Variants in MYO18B observed in about 807,000 individuals in gnomAD.
MYO18B encodes myosin XVIIIB, also known as unconventional myosin-XVIIIb.
A neutral mutation model predicts 273.0 loss-of-function variants in MYO18B; 204 were observed. The observed-to-expected ratio is 0.75, with a 90% CI of 0.67 to 0.84. The LOEUF (loss-of-function observed/expected upper bound fraction) is 0.84, where lower values mean the gene tolerates loss of function less well. MYO18B is among the 40% of genes least tolerant of loss of function. The pLI, the probability that MYO18B is intolerant of heterozygous loss-of-function variation, is 0.00. For missense variants in MYO18B, 3,212 were observed against 3,287.6 expected (o/e 0.98, Z 0.56); for synonymous variants, 1,330 against 1,305.7 (o/e 1.02, Z -0.40).
At chr22:25,881,103 C>T (rs577381008) in intron 25 of MYO18B, among the ~76,000 whole-genome samples, 1 of 152,320 alleles carries the variant, frequency 6.6e-6, no homozygotes, top group East Asian at 1.9e-4. Flanking sequence ...CTCTTCTTCC[C>T]ATGTTGATAA....
intron 33 of MYO18B, among the ~76,000 whole-genome samples, chr22:25,920,704 A>G (rs895347485): frequency 7.9e-5 from 12 of 152,272 alleles, no homozygotes; most frequent in Non-Finnish European, 1.6e-4. Context: ...ACAAATACAG[A>G]GTACTCCGTA....
At chr22:25,774,622 CCCACA>C (rs1338590181) in intron 7 of MYO18B, among the ~76,000 whole-genome samples, 1 of 152,238 alleles carries the variant, frequency 6.6e-6, no homozygotes, top group Admixed American at 6.5e-5. Flanking sequence ...CTTCCAGCCT[CCCACA>C]CTCAAACCCA....
chr22:25,817,891 C>G (rs1240632968), intron 12 of MYO18B, among the ~76,000 whole-genome samples: 1 of 152,216 alleles, frequency 6.6e-6, no homozygotes, highest in East Asian at 1.9e-4. Context: ...TTGGGGAACT[C>G]TGATCCCCAC....
At chr22:25,953,863 G>A (rs2092819157) in intron 38 of MYO18B, among the ~76,000 whole-genome samples, 2 of 152,184 alleles carry the variant, frequency 1.3e-5, no homozygotes, top group South Asian at 2.1e-4. Context: ...TCTTTGAGGT[G>A]TAGAGATGGG....
chr22:25,826,275 A>G, intron 13 of MYO18B, 134 bp from the exon 14 acceptor site: 1 of 618,256 alleles, frequency 1.6e-6, no homozygotes, highest in Non-Finnish European at 2.8e-6. Context: ...CTGGGGAAAT[A>G]ATTTTAGCAG....
At chr22:25,963,864 C>CT (rs1019852378) in intron 39 of MYO18B, 7 of 152,024 alleles carry the variant, frequency 4.6e-5, no homozygotes, top group African/African-American at 1.7e-4. Context: ...ACTTTATTTT[C>CT]TTTCTTCCTT....
At chr22:26,001,570 C>T (rs904142146) in intron 40 of MYO18B, among the ~76,000 whole-genome samples, 3 of 152,300 alleles carry the variant, frequency 2.0e-5, no homozygotes, top group Admixed American at 6.5e-5. Flanking sequence ...CCCTGTCTTC[C>T]CTCCTTCCTG....
At chr22:25,817,346 TTTC>T (rs2089071388) in intron 12 of MYO18B, among the ~76,000 whole-genome samples, 1 of 150,904 alleles carries the variant, frequency 6.6e-6, no homozygotes, top group Non-Finnish European at 1.5e-5. Flanking sequence ...CTTTTCTCTC[TTTC>T]TTTCTTTCTC....
chr22:26,058,816 C>A, the MYO18B span, among the ~76,000 whole-genome samples: 3 of 152,190 alleles, frequency 2.0e-5, no homozygotes, highest in Non-Finnish European at 2.9e-5. Context: ...GATACTGTTT[C>A]TTGTACAGCC....
chr22:25,799,261 A>G (rs968700413), intron 12 of MYO18B, among the ~76,000 whole-genome samples: 2 of 151,720 alleles, frequency 1.3e-5, no homozygotes, highest in Admixed American at 6.6e-5. Context: ...TAGACCCGTA[A>G]TGTCATTCTC....
At chr22:25,774,955 C>T (rs781752659) in intron 7 of MYO18B, among the ~76,000 whole-genome samples, 57 of 152,258 alleles carry the variant, frequency 3.7e-4, no homozygotes, top group Non-Finnish European at 7.1e-4. Flanking sequence ...AAGCACACTT[C>T]TGTGCATGCG....
Position 25,861,448 on chromosome 22 carries a change from T to G in MYO18B, c.3886-6872T>G, listed in dbSNP as rs189093164. The stretch of plus-strand genomic sequence containing the variant: ...TTTTAAACAAAATTTAAAACAAAAT[T>G]TGTCTGATATTAGTATAGCCACTCC... On this transcript the variant is annotated intron_variant, in intron 21 of 43. Coordinates refer to ENST00000335473, the MANE Select transcript of MYO18B (RefSeq NM_032608.7). Among the ~76,000 whole-genome samples, 303 of 152,318 alleles carry G rather than the reference T, an allele frequency of 2.0e-3. 1 individual carries two copies. The highest frequency in any genetic ancestry group is 3.5e-3 in the Non-Finnish European group (240 of 68,026).
At chr22:25,933,559 G>C (rs992677443) in intron 34 of MYO18B, among the ~76,000 whole-genome samples, 3 of 152,136 alleles carry the variant, frequency 2.0e-5, no homozygotes, top group Non-Finnish European at 2.9e-5. Context: ...ATTTATGCAT[G>C]TGAGCTATAT....
chr22:25,832,111 G>A (rs1299845955), intron 15 of MYO18B, among the ~76,000 whole-genome samples: 1 of 152,184 alleles, frequency 6.6e-6, no homozygotes, highest in African/African-American at 2.4e-5. Context: ...AATAACAAGT[G>A]TTGGGGTGAT....
In MYO18B at chr22:26,026,577, G is replaced by A. The variant is rs770310926; in HGVS notation, c.6603G>A (p.Lys2201=). The A allele has an allele frequency of 1.9e-6, 3 of 1,613,926 alleles. No individual in the cohort carries two copies. Among genetic ancestry groups the A allele is most frequent in the South Asian group, 1.1e-5 (1 of 91,070 alleles). Residue 2201 remains lysine, a synonymous_variant, in exon 43 of 44, where the codon AAG becomes AAA. Transcript: ENST00000335473. ...PVSPHFVRRQ[K]YCHFGDGEVL... ...CTCCCCACTTTGTCCGCCGGCAAAA[G>A]TACTGTCATTTTGGGGACGGCGAAG...
intron 38 of MYO18B, 79 bp downstream of exon 38, chr22:25,952,502 C>A: frequency 1.1e-5 from 17 of 1,539,258 alleles, no homozygotes; most frequent in Non-Finnish European, 1.5e-5. Flanking sequence ...CCTTCTACTA[C>A]TCATCTATCT....
At chr22:25,795,062 C>T (rs1430104333) in intron 11 of MYO18B, among the ~76,000 whole-genome samples, 1 of 152,182 alleles carries the variant, frequency 6.6e-6, no homozygotes, top group African/African-American at 2.4e-5. Context: ...CTGTGAGATG[C>T]CTATATGTGG....
At chr22:25,937,214 G>T (rs1158117690) in intron 34 of MYO18B, among the ~76,000 whole-genome samples, 1 of 151,900 alleles carries the variant, frequency 6.6e-6, no homozygotes, top group Non-Finnish European at 1.5e-5. Context: ...CTCCCGAATA[G>T]CTGGGATTAA....
At chr22:26,050,439 T>A in the MYO18B span, among the ~76,000 whole-genome samples, 8 of 152,238 alleles carry the variant, frequency 5.3e-5, no homozygotes, top group Non-Finnish European at 1.0e-4. Flanking sequence ...GTTTCAAGAT[T>A]GCCTTCTGCA....
Sources: allele counts gnomAD v4.1 joint callset (sites outside exome capture counted in the v4.1 genomes callset), GRCh38; gene constraint gnomAD v4.1.1; transcripts MANE v1.5; gene names NCBI Gene and HGNC (gene_info 2026-07-23, HGNC 2026-07-21).